The following COBL variants were observed in gnomAD, a reference collection of about 807,000 sequenced individuals.
COBL encodes the protein protein cordon-bleu.
Under a neutral mutation model 98.8 loss-of-function variants are expected in COBL, and 51 were observed. That is an observed-to-expected ratio of 0.52 (90% confidence interval 0.41 to 0.65). COBL has a LOEUF of 0.65. Among genes scored for constraint, COBL ranks in the 30% least tolerant of loss-of-function variants. COBL has a pLI of 0.00. For missense variants in COBL, 1,617 were observed against 1,617.5 expected (o/e 1.00, Z 0.01); for synonymous variants, 634 against 651.7 (o/e 0.97, Z 0.41).
At chr7:51,307,393 C>T (rs928105164) in intron 1 of COBL, among the ~76,000 whole-genome samples, 1 of 123,338 alleles carries the variant, frequency 8.1e-6, no homozygotes, top group Non-Finnish European at 1.9e-5. Flanking sequence ...AAGGAGAGGA[C>T]AGTACTGTCC....
intron 4 of COBL, among the ~76,000 whole-genome samples, chr7:51,189,816 AC>A (rs1300628190): frequency 6.6e-6 from 1 of 152,242 alleles, no homozygotes; most frequent in Non-Finnish European, 1.5e-5. Context: ...AGAAACTTTT[AC>A]GAAGTCCATT....
chr7:51,193,393 G>C lies in COBL; in HGVS notation c.442C>G (p.Pro148Ala), dbSNP rs763210510. The change falls in exon 3 of 13, where the codon CCT (proline) becomes GCT (alanine). Residue 148 changes from proline to alanine, a missense_variant. Physicochemically the swap from Pro to Ala is conservative, Grantham distance 27. Coordinates refer to ENST00000265136, the MANE Select transcript of COBL (RefSeq NM_015198.5). ...TACCTACTAACCTCAGGCACCTTAG[G>C]GGGACCAGGCTTAACCTTCTCTTCA... ...VPEEKVKPGP[P>A]KVPEKSVRLV... 5 of 1,614,026 alleles carry C rather than the reference G, an allele frequency of 3.1e-6. No homozygotes were observed. The highest frequency in any genetic ancestry group is 2.7e-5 in the African/African-American group (2 of 74,906).
At chr7:51,169,691 G>C (rs1039383014) in intron 5 of COBL, among the ~76,000 whole-genome samples, 1 of 152,158 alleles carries the variant, frequency 6.6e-6, no homozygotes. Context: ...GGATGGCACA[G>C]GTAGTGGGGA....
At chr7:51,238,231 C>A (rs545886995) in intron 1 of COBL, among the ~76,000 whole-genome samples, 34 of 152,320 alleles carry the variant, frequency 2.2e-4, no homozygotes, top group African/African-American at 7.7e-4. Flanking sequence ...TCCTGAAGCA[C>A]GGAAGCCACA....
At chr7:51,070,426 A>ACACACACACACACACACAC (rs1486385446) in intron 7 of COBL, among the ~76,000 whole-genome samples, 1 of 51,976 alleles carries the variant, frequency 1.9e-5, no homozygotes, top group Non-Finnish European at 5.0e-5. Flanking sequence ...CACACACACA[A>ACACACACACACACACACAC]AATTCCGAGA....
At chr7:51,084,004 T>C (rs939351436) in intron 7 of COBL, among the ~76,000 whole-genome samples, 1 of 152,136 alleles carries the variant, frequency 6.6e-6, no homozygotes, top group Admixed American at 6.6e-5. Context: ...AATGGGGGGC[T>C]CTTCACGAAA....
chr7:51,151,014 T>C (rs1409915580), intron 5 of COBL, among the ~76,000 whole-genome samples: 1 of 151,984 alleles, frequency 6.6e-6, no homozygotes, highest in Non-Finnish European at 1.5e-5. Flanking sequence ...CTCCCAATAT[T>C]GTTCTGACCT....
intron 5 of COBL, among the ~76,000 whole-genome samples, chr7:51,137,339 C>T (rs1371163639): frequency 6.6e-6 from 1 of 152,188 alleles, no homozygotes; most frequent in Non-Finnish European, 1.5e-5. Context: ...CTCCCTACCC[C>T]AGTTTATCTC....
intron 1 of COBL, among the ~76,000 whole-genome samples, chr7:51,255,301 A>G (rs1431670672): frequency 1.3e-5 from 2 of 152,232 alleles, no homozygotes; most frequent in Non-Finnish European, 2.9e-5. Flanking sequence ...TGTCAGAGAC[A>G]GTAACATCCA....
chr7:51,119,151 T>TA (rs748792436), intron 6 of COBL, among the ~76,000 whole-genome samples: 2 of 152,158 alleles, frequency 1.3e-5, no homozygotes, highest in African/African-American at 2.4e-5. Context: ...ATCTGACAAA[T>TA]ACAGAGATTC....
At chr7:51,298,038 T>C (rs898816319) in intron 1 of COBL, among the ~76,000 whole-genome samples, 5 of 152,216 alleles carry the variant, frequency 3.3e-5, no homozygotes, top group African/African-American at 1.2e-4. Context: ...ATGAAGCCAG[T>C]GACAGTGTAT....
intron 1 of COBL, among the ~76,000 whole-genome samples, chr7:51,237,680 T>C (rs1281119752): frequency 6.6e-6 from 1 of 152,210 alleles, no homozygotes; most frequent in Non-Finnish European, 1.5e-5. Flanking sequence ...TTCCCCATGC[T>C]AGGGTGCCTT....
intron 8 of COBL, among the ~76,000 whole-genome samples, chr7:51,037,390 G>T (rs1303513563): frequency 6.6e-6 from 1 of 152,230 alleles, no homozygotes; most frequent in East Asian, 1.9e-4. Context: ...GCACACCACT[G>T]CCAGCCATGG....
At chr7:51,213,708 T>C (rs1374419325) in intron 2 of COBL, among the ~76,000 whole-genome samples, 1 of 151,732 alleles carries the variant, frequency 6.6e-6, no homozygotes, top group Non-Finnish European at 1.5e-5. Context: ...CTGAGGTGAG[T>C]AGGGGCCTAC....
rs1455820686 is a variant in COBL at position 51,065,398 on chromosome 7, G to C, written c.1096+19768C>G. The C allele has an allele frequency of 5.7e-6, 4 of 703,410 alleles. No individual in the cohort carries two copies. In the South Asian group the frequency reaches 5.9e-5, roughly 10 times the overall value. 43.6% of individuals were successfully genotyped at this position (703,410 alleles called of 1,614,324 possible). On this transcript the variant is annotated intron_variant, in intron 7 of 12. Transcript: ENST00000265136. ...TGGCTTTGCTGTGCCCGGGGCTGTG[G>C]TATTCAGAAGCAAGCTCAGAAGTCT...
chr7:51,227,862 G>A (rs754498506), intron 1 of COBL, among the ~76,000 whole-genome samples: 2 of 152,156 alleles, frequency 1.3e-5, no homozygotes, highest in Non-Finnish European at 2.9e-5. Flanking sequence ...CTTGGCCCCT[G>A]CAAACAAAAC....
intron 4 of COBL, among the ~76,000 whole-genome samples, chr7:51,190,162 T>C (rs1264201622): frequency 6.6e-6 from 1 of 152,172 alleles, no homozygotes; most frequent in African/African-American, 2.4e-5. Flanking sequence ...ATGAGCAATG[T>C]TTGAAACCTG....
chr7:51,257,111 G>A (rs1167167068), intron 1 of COBL, among the ~76,000 whole-genome samples: 1 of 152,160 alleles, frequency 6.6e-6, no homozygotes, highest in Non-Finnish European at 1.5e-5. Flanking sequence ...TGGCAAAGAT[G>A]AGATGCAAAG....
At chr7:51,121,960 A>C (rs971945718) in intron 6 of COBL, among the ~76,000 whole-genome samples, 49 of 152,242 alleles carry the variant, frequency 3.2e-4, no homozygotes, top group African/African-American at 1.1e-3. Flanking sequence ...GGATAAGAAC[A>C]GCATACTTAA....
Sources: allele counts gnomAD v4.1 joint callset (sites outside exome capture counted in the v4.1 genomes callset), GRCh38; gene constraint gnomAD v4.1.1; transcripts MANE v1.5; gene names NCBI Gene and HGNC (gene_info 2026-07-23, HGNC 2026-07-21).